The following SLC38A12 variants were observed in gnomAD, a reference collection of about 807,000 sequenced individuals.
SLC38A12 encodes putative sodium-coupled neutral amino acid transporter 12.
At chr17:74,806,427 A>G in the SLC38A12 span, among the ~76,000 whole-genome samples, 4 of 152,296 alleles carry the variant, frequency 2.6e-5, no homozygotes, top group South Asian at 2.1e-4. Flanking sequence ...GACATCCAGC[A>G]TAAATACTAA....
chr17:74,795,061 C>T, the SLC38A12 span: 7 of 1,614,158 alleles, frequency 4.3e-6, no homozygotes, highest in East Asian at 6.7e-5. Flanking sequence ...TGTATGGAGA[C>T]CTCGCCATCT....
At chr17:74,824,565 T>C in the SLC38A12 span, among the ~76,000 whole-genome samples, 1 of 152,170 alleles carries the variant, frequency 6.6e-6, no homozygotes, top group African/African-American at 2.4e-5. Context: ...ACAGCTGGCT[T>C]GGTGCGGGGC....
chr17:74,829,005 G>A, the SLC38A12 span, among the ~76,000 whole-genome samples: 15 of 152,096 alleles, frequency 9.9e-5, no homozygotes, highest in African/African-American at 3.6e-4. The surrounding 1 kb of genome is among the most constrained non-coding windows in gnomAD (Gnocchi z 4.1). Context: ...TTAATTTTTA[G>A]TAGTGACATC....
At chr17:74,778,933 G>T in the SLC38A12 span, among the ~76,000 whole-genome samples, 1 of 152,088 alleles carries the variant, frequency 6.6e-6, no homozygotes, top group Non-Finnish European at 1.5e-5. Context: ...CTCCCAAAGT[G>T]CTGGGATTAC....
At chr17:74,822,082 C>T in the SLC38A12 span, among the ~76,000 whole-genome samples, 187 of 152,274 alleles carry the variant, frequency 1.2e-3, no homozygotes, top group Admixed American at 2.4e-3. Flanking sequence ...GGGAGCAATA[C>T]ATTTGTTGAA....
chr17:74,786,362 C>T, the SLC38A12 span, among the ~76,000 whole-genome samples: 54,872 of 152,216 alleles, frequency 0.36, 11,743 homozygotes, highest in Non-Finnish European at 0.48. Context: ...GGAAACACCT[C>T]CCCTGAGAGG....
the SLC38A12 span, chr17:74,836,545 A>G: frequency 6.2e-7 from 1 of 1,613,294 alleles, no homozygotes; most frequent in Admixed American, 1.7e-5. The surrounding 1 kb of genome is among the most constrained non-coding windows in gnomAD (Gnocchi z 4.2). Flanking sequence ...AGGGACACCC[A>G]GCTGGCCTTT....
the SLC38A12 span, among the ~76,000 whole-genome samples, chr17:74,816,224 GC>G: frequency 6.6e-6 from 1 of 152,344 alleles, no homozygotes; most frequent in African/African-American, 2.4e-5. Context: ...GCCTTGCCTT[GC>G]AAGAGGGCAC....
chr17:74,831,136 C>T, the SLC38A12 span, among the ~76,000 whole-genome samples: 2 of 152,250 alleles, frequency 1.3e-5, no homozygotes, highest in Non-Finnish European at 2.9e-5. Context: ...ACCCCCACCA[C>T]GTGCCTCCTT....
At chr17:74,784,281 A>G in the SLC38A12 span, among the ~76,000 whole-genome samples, 1 of 152,354 alleles carries the variant, frequency 6.6e-6, no homozygotes, top group East Asian at 1.9e-4. Flanking sequence ...AGCAGAGTAC[A>G]GGAAGACCAG....
chr17:74,832,232 T>C, the SLC38A12 span, among the ~76,000 whole-genome samples: 1 of 152,030 alleles, frequency 6.6e-6, no homozygotes, highest in Non-Finnish European at 1.5e-5. Context: ...CTTCCCTCCC[T>C]TTCCTCCATC....
At chr17:74,836,151 G>A in the SLC38A12 span, 78 of 1,613,688 alleles carry the variant, frequency 4.8e-5, no homozygotes, top group South Asian at 4.5e-4. This position sits in a 1 kb window ranked among gnomAD's most constrained non-coding sequence, Gnocchi z 4.2. Flanking sequence ...GGCCTTCTAC[G>A]GCCTCCTCTC....
At chr17:74,796,777 C>G in the SLC38A12 span, among the ~76,000 whole-genome samples, 2 of 152,248 alleles carry the variant, frequency 1.3e-5, no homozygotes, top group Non-Finnish European at 2.9e-5. Flanking sequence ...TTGTCTGGCA[C>G]CCTTCTCCAC....
the SLC38A12 span, chr17:74,836,151 G>C: frequency 1.2e-6 from 2 of 1,613,688 alleles, no homozygotes; most frequent in South Asian, 1.1e-5. The surrounding 1 kb of genome is among the most constrained non-coding windows in gnomAD (Gnocchi z 4.2). Context: ...GGCCTTCTAC[G>C]GCCTCCTCTC....
the SLC38A12 span, chr17:74,790,235 C>G: frequency 1.9e-6 from 3 of 1,614,180 alleles, no homozygotes; most frequent in Non-Finnish European, 2.5e-6. Context: ...CAGCCTCAGA[C>G]AGCGATGTTC....
At chr17:74,814,212 G>T in the SLC38A12 span, among the ~76,000 whole-genome samples, 1 of 152,168 alleles carries the variant, frequency 6.6e-6, no homozygotes, top group African/African-American at 2.4e-5. Context: ...GGGGACCTTG[G>T]AGATGCTGGT....
the SLC38A12 span, chr17:74,795,224 G>A: frequency 1.1e-6 from 1 of 887,578 alleles, no homozygotes; most frequent in Non-Finnish European, 1.8e-6. Context: ...TTGCATCTAG[G>A]GAATGCAGAT....
chr17:74,794,243 G>A, the SLC38A12 span, among the ~76,000 whole-genome samples: 1 of 152,234 alleles, frequency 6.6e-6, no homozygotes, highest in African/African-American at 2.4e-5. Context: ...CTGGGGTCCT[G>A]AAACAAGTCT....
At chr17:74,791,136 C>A in the SLC38A12 span, 1 of 1,064,580 alleles carries the variant, frequency 9.4e-7, no homozygotes, top group Non-Finnish European at 1.4e-6. Flanking sequence ...GACAGCCAGA[C>A]CATGGGGCAG....
Sources: gnomAD v4.1 joint callset for allele counts (sites outside exome capture counted in the v4.1 genomes callset) on GRCh38, gnomAD v4.1.1 for gene constraint, Gnocchi (gnomAD v3.1) non-coding constraint, MANE v1.5 for transcripts, NCBI Gene and HGNC (gene_info 2026-07-23, HGNC 2026-07-21) for gene names.